The following MKNK1 variants were observed in gnomAD, a reference collection of about 807,000 sequenced individuals.
MKNK1 encodes the protein MAP kinase-interacting serine/threonine-protein kinase 1.
A neutral mutation model predicts 49.3 loss-of-function variants in MKNK1; 30 were observed. The observed-to-expected ratio is 0.61, with a 90% CI of 0.46 to 0.83. MKNK1 has a LOEUF of 0.83. Ranked by LOEUF, MKNK1 falls within the 40% of genes least tolerant of loss-of-function variation. MKNK1 has a pLI of 0.00. For missense variants in MKNK1, 423 were observed against 524.7 expected (o/e 0.81, Z 1.89); for synonymous variants, 176 against 201.7 (o/e 0.87, Z 1.08).
At chr1:46,564,442 G>A (rs1236692757) in intron 9 of MKNK1, among the ~76,000 whole-genome samples, 3 of 148,928 alleles carry the variant, frequency 2.0e-5, no homozygotes, top group African/African-American at 7.5e-5. Context: ...CAGGAGTCAG[G>A]GCTCAGCCTG....
At chr1:46,572,226 T>C in intron 6 of MKNK1, 59 bp from the exon 7 acceptor site, 1 of 1,450,402 alleles carries the variant, frequency 6.9e-7, no homozygotes, top group Non-Finnish European at 9.6e-7. Context: ...GTATAAGTTT[T>C]TTTTTTAGAC....
At chr1:46,582,907 T>G in intron 3 of MKNK1, 1 of 524,798 alleles carries the variant, frequency 1.9e-6, no homozygotes, top group Non-Finnish European at 3.7e-6. Flanking sequence ...CAGGAATAGC[T>G]GAGGGAAGAA....
intron 2 of MKNK1, among the ~76,000 whole-genome samples, chr1:46,591,593 G>C (rs1673343181): frequency 6.6e-6 from 1 of 152,134 alleles, no homozygotes; most frequent in South Asian, 2.1e-4. Context: ...GGAGCAGCGT[G>C]TAGAAAGCTG....
chr1:46,585,719 G>T (rs573622502), intron 2 of MKNK1, among the ~76,000 whole-genome samples: 4 of 152,276 alleles, frequency 2.6e-5, no homozygotes, highest in African/African-American at 9.6e-5. Flanking sequence ...TCAGGCACAC[G>T]ACTCTAATGA....
At chr1:46,567,764 T>C (rs1669327797) in intron 8 of MKNK1, among the ~76,000 whole-genome samples, 1 of 152,196 alleles carries the variant, frequency 6.6e-6, no homozygotes, top group Non-Finnish European at 1.5e-5. Flanking sequence ...TCTCTCCTAA[T>C]AAACACAGAA....
intron 1 of MKNK1, among the ~76,000 whole-genome samples, chr1:46,602,958 T>A (rs1674942343): frequency 6.6e-6 from 1 of 152,192 alleles, no homozygotes; most frequent in Admixed American, 6.5e-5. Context: ...CCCTCTCCCA[T>A]GGCTTCGCTT....
At chr1:46,560,413 G>C (rs1667743308) in intron 11 of MKNK1, 136 bp from the exon 12 acceptor site, 2 of 907,824 alleles carry the variant, frequency 2.2e-6, no homozygotes. Flanking sequence ...TGCTTGCAGG[G>C]TCAGGCCTTC....
chr1:46,594,046 G>T, intron 2 of MKNK1, 67 bp downstream of exon 2: 1 of 1,268,868 alleles, frequency 7.9e-7, no homozygotes, highest in Non-Finnish European at 1.1e-6. Context: ...CCTTTCCTCT[G>T]GATGTATCAG....
At chr1:46,562,876 G>A (rs773743306) in intron 9 of MKNK1, 33 bp from the exon 10 acceptor site, 3 of 1,559,444 alleles carry the variant, frequency 1.9e-6, no homozygotes, top group Non-Finnish European at 2.6e-6. Context: ...AGGGGGAGAT[G>A]GCAGAGAACA....
chr1:46,562,845 T>G lies in MKNK1; in HGVS notation c.610-2A>C. 1 of 1,603,780 alleles carries G rather than the reference T, an allele frequency of 6.2e-7. No homozygotes were observed. Among genetic ancestry groups the G allele is most frequent in the South Asian group, 1.1e-5 (1 of 89,926 alleles). On this transcript the variant is annotated splice_acceptor_variant, in intron 9 of 12. Coordinates refer to ENST00000371945, the MANE Select transcript of MKNK1 (RefSeq NM_001135553.4). LOFTEE classifies it high-confidence loss of function. ...GGCCATGTATTCTGCAGAGCCACAC[T>G]GTGGGGGCCAGGGTTGGGGGAGGGG...
At chr1:46,602,111 G>C (rs1239693232) in intron 1 of MKNK1, among the ~76,000 whole-genome samples, 1 of 152,190 alleles carries the variant, frequency 6.6e-6, no homozygotes, top group Admixed American at 6.5e-5. Context: ...TGCAGGGAGT[G>C]TTTGAGAAAC....
chr1:46,594,099 A>T lies in MKNK1; in HGVS notation c.-3+14T>A. ...TAATCTAAAAGGATAACTAAAATGTACACCCAATCTTACCTATAGGTTTTT... is the reference window on the plus strand; with the variant it reads ...TAATCTAAAAGGATAACTAAAATGTTCACCCAATCTTACCTATAGGTTTTT... On this transcript the variant is annotated intron_variant, in intron 2 of 12. Transcript: ENST00000371945. 2 of 1,582,466 alleles carry T rather than the reference A, an allele frequency of 1.3e-6. No individual in the cohort carries two copies. Among genetic ancestry groups the T allele is most frequent in the Non-Finnish European group, 1.7e-6 (2 of 1,152,116 alleles).
intron 4 of MKNK1, 60 bp from the exon 5 acceptor site, chr1:46,576,714 A>T (rs2148665679): frequency 7.0e-7 from 1 of 1,426,352 alleles, no homozygotes; most frequent in African/African-American, 1.4e-5. Context: ...GCCCTTTGGC[A>T]GGAGTCCTCT....
chr1:46,592,524 G>A (rs967614616), intron 2 of MKNK1, among the ~76,000 whole-genome samples: 1 of 152,226 alleles, frequency 6.6e-6, no homozygotes, highest in Admixed American at 6.5e-5. Flanking sequence ...GGGGGCCACG[G>A]AACTGACTGT....
chr1:46,571,443 G>T, intron 7 of MKNK1: 1 of 327,546 alleles, frequency 3.1e-6, no homozygotes, highest in South Asian at 2.2e-5. Context: ...TTGGGAGGCT[G>T]AGGTGGGAGG....
At position 46,576,565 on chromosome 1, in the gene MKNK1, T is replaced by C. The variant is rs1483587423; in HGVS notation, c.278+10A>G. On this transcript the variant is annotated intron_variant, in intron 5 of 12. Coordinates refer to ENST00000371945, the MANE Select transcript of MKNK1 (RefSeq NM_001135553.4). ...CCCCAGAGAAGCAGCGAGAATCACA[T>C]GATACTCACTTGTTTCCCTGACACT... 6.2e-7 allele frequency: 1 copy of C among 1,611,232 alleles called. No individual in the cohort carries two copies. The highest frequency in any genetic ancestry group is 1.3e-5 in the African/African-American group (1 of 74,858).
chr1:46,571,777 C>A (rs935908029), intron 7 of MKNK1, among the ~76,000 whole-genome samples: 2 of 152,204 alleles, frequency 1.3e-5, no homozygotes, highest in South Asian at 2.1e-4. Flanking sequence ...CACACAGTCA[C>A]ACATACCCTG....
Position 46,559,851 on chromosome 1 carries a change from G to A in MKNK1, c.1013+383C>T, listed in dbSNP as rs923429606. On this transcript the variant is annotated intron_variant, in intron 12 of 12. Transcript: ENST00000371945. ...CTGGTGGCCACTATTATCACTGTCC[G>A]TCTAGTACCGTACGTGCCCCTCACT... The A allele has an allele frequency of 3.3e-5, 9 of 274,624 alleles. No individual in the cohort carries two copies. In the South Asian group the frequency reaches 3.7e-4, roughly 11 times the overall value. 17.0% of individuals were successfully genotyped at this position (274,624 alleles called of 1,614,324 possible).
At chr1:46,598,792 C>G (rs961705678) in intron 1 of MKNK1, among the ~76,000 whole-genome samples, 11 of 152,234 alleles carry the variant, frequency 7.2e-5, no homozygotes, top group Admixed American at 6.5e-5. Context: ...TACCTAACTA[C>G]TGTCTCTCTG....
Sources: allele counts gnomAD v4.1 joint callset (sites outside exome capture counted in the v4.1 genomes callset), GRCh38; gene constraint gnomAD v4.1.1; transcripts MANE v1.5; gene names NCBI Gene and HGNC (gene_info 2026-07-23, HGNC 2026-07-21).